The following ANO7 variants were observed in gnomAD, a reference collection of about 807,000 sequenced individuals.
ANO7 encodes the protein anoctamin 7.
Under a neutral mutation model 115.8 loss-of-function variants are expected in ANO7, and 114 were observed. The observed-to-expected ratio is 0.98, with a 90% confidence interval of 0.85 to 1.15. The LOEUF is 1.15. Ranked by LOEUF, ANO7 falls within the 50% of genes most tolerant of loss-of-function variation. The pLI, the probability that ANO7 is intolerant of heterozygous loss-of-function variation, is 0.00. For synonymous variants in ANO7, 550 were observed against 498.2 expected (o/e 1.10, Z -1.38); for missense variants, 1,302 against 1,201.2 (o/e 1.08, Z -1.24).
the ANO7 span, chr2:241,238,807 G>A: frequency 6.8e-7 from 1 of 1,465,016 alleles, no homozygotes; most frequent in Non-Finnish European, 9.1e-7. This position sits in a 1 kb window ranked among gnomAD's most constrained non-coding sequence, Gnocchi z 4.9. Context: ...GGTACACAAA[G>A]AAAAAAGAAA....
chr2:241,211,977 C>A (rs1382728474), intron 15 of ANO7, 117 bp from the exon 16 acceptor site: 6 of 691,402 alleles, frequency 8.7e-6, no homozygotes, highest in Non-Finnish European at 1.5e-5. Context: ...TTTTAAATAT[C>A]TGGATGATAT....
In ANO7 at chr2:241,199,306, G is replaced by T. The variant is rs2068413602; in HGVS notation, c.310-10G>T. The T allele has an allele frequency of 6.2e-7, 1 of 1,612,974 alleles. No homozygotes were observed. Among genetic ancestry groups the T allele is most frequent in the Non-Finnish European group, 8.5e-7 (1 of 1,179,560 alleles). ...CCCTCAGGCTCTCACGGAGCCCTGG[G>T]TGCCTACAGCAGGACGTCCAGGACG... On this transcript the variant is annotated splice_polypyrimidine_tract_variant and intron_variant, in intron 4 of 24. Transcript: ENST00000674324.
At chr2:241,195,995 C>A in intron 4 of ANO7, 150 bp downstream of exon 4, 1 of 1,531,236 alleles carries the variant, frequency 6.5e-7, no homozygotes, top group Non-Finnish European at 8.8e-7. Context: ...CCACCGTGAG[C>A]TCCTCCGTGT....
At chr2:241,210,719 G>T (rs575446747) in intron 15 of ANO7, 149 bp downstream of exon 15, 1 of 733,078 alleles carries the variant, frequency 1.4e-6, no homozygotes, top group Admixed American at 2.3e-5. Context: ...TCACTCTGTT[G>T]CCCAAGCTGG....
the ANO7 span, chr2:241,236,205 A>T: frequency 4.2e-6 from 1 of 237,592 alleles, no homozygotes; most frequent in Non-Finnish European, 8.2e-6. Flanking sequence ...CACTGAGAGC[A>T]GCATCCAGTA....
chr2:241,207,110 T>G (rs376819805), intron 10 of ANO7, among the ~76,000 whole-genome samples: 3 of 102,036 alleles, frequency 2.9e-5, no homozygotes, highest in Admixed American at 9.7e-5. Context: ...GTGCTCCCAG[T>G]CTGACAGGTG....
At chr2:241,196,681 C>T (rs1025321325) in intron 4 of ANO7, among the ~76,000 whole-genome samples, 1 of 152,232 alleles carries the variant, frequency 6.6e-6, no homozygotes, top group African/African-American at 2.4e-5. Flanking sequence ...GAGGCCCGCC[C>T]ATATGGCCAG....
At position 241,218,277 on chromosome 2, in the gene ANO7, C is replaced by G; in HGVS notation, c.2217C>G (p.Arg739=). ...CCTTCTCGTCCGACTTCCTGCCGCG[C>G]GCCTACTACCGGTGGACCCGCGCCC... ...LLAFSSDFLP[R]AYYRWTRAHD... Residue 739 remains arginine (R), a synonymous_variant, in exon 21 of 25, where the codon CGC becomes CGG. Coordinates refer to ENST00000674324, the MANE Select transcript of ANO7 (RefSeq NM_001370694.2). 1.3e-6 allele frequency: 2 copies of G among 1,534,364 alleles called. No individual in the cohort carries two copies. Among genetic ancestry groups the G allele is most frequent in the African/African-American group, 1.4e-5 (1 of 70,022 alleles).
In ANO7 at chr2:241,223,380, G is replaced by A. The variant is rs747270728; in HGVS notation, c.2412+104G>A. 9 of 1,299,764 alleles carry A rather than the reference G, an allele frequency of 6.9e-6. No homozygotes were observed. The African/African-American group carries it at 1.3e-4, about 19-fold the overall frequency. 80.5% of individuals were successfully genotyped at this position (1,299,764 alleles called of 1,614,324 possible). On this transcript the variant is annotated intron_variant, in intron 22 of 24. Coordinates refer to ENST00000674324, the MANE Select transcript of ANO7 (RefSeq NM_001370694.2). The stretch of plus-strand genomic sequence containing the variant: ...TGAGGGGTCGGTGCCGTCACTTCCT[G>A]CTGTGTCATCTTGGTCAAATCAGAG...
chr2:241,217,826 GC>G lies in ANO7; in HGVS notation c.2116del (p.Gln706ArgfsTer124). The G allele has an allele frequency of 1.2e-6, 2 of 1,608,592 alleles. No homozygotes were observed. The highest frequency in any genetic ancestry group is 1.7e-6 in the Non-Finnish European group (2 of 1,178,454). On this transcript the variant is annotated frameshift_variant, in exon 20 of 25. Coordinates refer to ENST00000674324, the MANE Select transcript of ANO7 (RefSeq NM_001370694.2). LOFTEE classifies it high-confidence loss of function. Reference sequence around the variant, plus strand: ...GTACCGGCGCCCGGTGGCCGAGCGCGCCCAGGACATCGGCATCTGGTTCCAC... The same window carrying G: ...GTACCGGCGCCCGGTGGCCGAGCGCGCCAGGACATCGGCATCTGGTTCCAC... ...CEYRRPVAER[A>X]QDIGIWFHIL...
At chr2:241,235,376 C>T in the ANO7 span, 5 of 1,501,766 alleles carry the variant, frequency 3.3e-6, no homozygotes, top group Non-Finnish European at 4.6e-6. Flanking sequence ...AAGTCAGTGC[C>T]CAGTCCGAGC....
intron 6 of ANO7, among the ~76,000 whole-genome samples, chr2:241,201,031 G>T (rs781617918): frequency 6.6e-6 from 1 of 152,236 alleles, no homozygotes; most frequent in Non-Finnish European, 1.5e-5. Context: ...TGTGGTGAGG[G>T]GTTCTGGGTA....
At chr2:241,236,638 C>T in the ANO7 span, 3 of 1,614,142 alleles carry the variant, frequency 1.9e-6, no homozygotes, top group East Asian at 2.2e-5. Context: ...TTGGCAGCCT[C>T]ACACTTTTCT....
At position 241,213,770 on chromosome 2, in the gene ANO7, A is replaced by AGAG. The variant is rs565051867; in HGVS notation, c.1729-1022_1729-1020dup. On this transcript the variant is annotated intron_variant, in intron 17 of 24. Coordinates refer to ENST00000674324, the MANE Select transcript of ANO7 (RefSeq NM_001370694.2). ...CTGAAAGACCTCTTCTCCTTTTGGA[A>AGAG]GAGGAGGAGGAGGAGAGAAACTTCG... Among the ~76,000 whole-genome samples, 53 of 152,138 alleles carry AGAG rather than the reference A, an allele frequency of 3.5e-4. 1 individual carries two copies. The highest frequency in any genetic ancestry group is 1.9e-3 in the South Asian group (9 of 4,834).
chr2:241,217,727 C>G lies in ANO7; in HGVS notation c.2014C>G (p.Pro672Ala). ...GFVTIFVAAC[P>A]LAPLFALLNN... is the part of the protein sequence containing the mutation. ...CGTCACCATCTTCGTGGCCGCCTGTCCGCTCGCGCCGCTCTTCGCCCTGCT... is the reference window on the plus strand; with the variant it reads ...CGTCACCATCTTCGTGGCCGCCTGTGCGCTCGCGCCGCTCTTCGCCCTGCT... Residue 672 changes from proline to alanine, a missense_variant, in exon 20 of 25, where the codon CCG becomes GCG. Transcript: ENST00000674324. 1 of 1,600,578 alleles carries G rather than the reference C, an allele frequency of 6.2e-7. No individual in the cohort carries two copies. Among genetic ancestry groups the G allele is most frequent in the Non-Finnish European group, 8.5e-7 (1 of 1,174,244 alleles).
intron 19 of ANO7, 120 bp downstream of exon 19, chr2:241,216,358 G>T: frequency 7.7e-7 from 1 of 1,302,944 alleles, no homozygotes; most frequent in Non-Finnish European, 1.0e-6. Context: ...GAAATGTGCT[G>T]TGGGGGTGGG....
At chr2:241,195,505 G>C (rs1034710724) in intron 3 of ANO7, among the ~76,000 whole-genome samples, 198 bp from the exon 4 acceptor site, 1 of 152,220 alleles carries the variant, frequency 6.6e-6, no homozygotes, top group South Asian at 2.1e-4. Flanking sequence ...CCAATGCAGG[G>C]CTGTCCTGGA....
At chr2:241,200,541 G>C (rs369424454) in intron 6 of ANO7, among the ~76,000 whole-genome samples, 1 of 152,230 alleles carries the variant, frequency 6.6e-6, no homozygotes, top group Non-Finnish European at 1.5e-5. Context: ...CTCAGGGCCC[G>C]GGCGATGGAG....
Position 241,217,847 on chromosome 2 carries a change from T to G in ANO7, c.2134T>G (p.Phe712Val). The G allele has an allele frequency of 6.2e-7, 1 of 1,606,028 alleles. No individual in the cohort carries two copies. Among genetic ancestry groups the G allele is most frequent in the Non-Finnish European group, 8.5e-7 (1 of 1,177,950 alleles). Residue 712 changes from phenylalanine to valine, a missense_variant, in exon 20 of 25, where the codon TTC becomes GTC. Physicochemically the swap from Phe to Val is conservative, Grantham distance 50 (BLOSUM62 -1). Transcript: ENST00000674324. ...GCGCGCCCAGGACATCGGCATCTGGTTCCACATCCTGGCGGGCCTCACGCA... is the reference window on the plus strand; with the variant it reads ...GCGCGCCCAGGACATCGGCATCTGGGTCCACATCCTGGCGGGCCTCACGCA... Reference protein sequence around the residue: ...AERAQDIGIWFHILAGLTHLA... With the variant: ...AERAQDIGIWVHILAGLTHLA...
Sources: gnomAD v4.1 joint callset for allele counts (sites outside exome capture counted in the v4.1 genomes callset) on GRCh38, gnomAD v4.1.1 for gene constraint, Gnocchi (gnomAD v3.1) non-coding constraint, MANE v1.5 for transcripts, NCBI Gene and HGNC (gene_info 2026-07-23, HGNC 2026-07-21) for gene names.